The following KCNIP1 variants were observed in gnomAD, a reference collection of about 807,000 sequenced individuals.
KCNIP1 encodes the protein potassium voltage-gated channel interacting protein 1, also known as A-type potassium channel modulatory protein KCNIP1.
KCNIP1 carries 18 observed loss-of-function variants against 33.0 expected under a neutral mutation model. The ratio of observed to expected loss-of-function variants is 0.55; its 90% confidence interval spans 0.38 to 0.81. KCNIP1 has a LOEUF of 0.81. Among genes scored for constraint, KCNIP1 ranks in the 30% least tolerant of loss-of-function variants. The pLI is 0.00. For synonymous variants in KCNIP1, 93 were observed against 98.3 expected (o/e 0.95, Z 0.32); for missense variants, 238 against 271.6 (o/e 0.88, Z 0.87).
intron 1 of KCNIP1, among the ~76,000 whole-genome samples, chr5:170,424,988 C>T (rs1661517685): frequency 6.6e-6 from 1 of 152,152 alleles, no homozygotes; most frequent in African/African-American, 2.4e-5. Context: ...CTCCTCAGAC[C>T]CTTCCCATGA....
intron 2 of KCNIP1, 51 bp from the exon 3 acceptor site, chr5:170,720,269 TC>T: frequency 2.3e-6 from 3 of 1,325,730 alleles, no homozygotes; most frequent in Non-Finnish European, 3.3e-6. Context: ...CCCAGTCTTC[TC>T]CTAGTGCTGG....
chr5:170,435,035 C>T (rs138232946), intron 1 of KCNIP1, among the ~76,000 whole-genome samples: 18 of 152,348 alleles, frequency 1.2e-4, no homozygotes, highest in African/African-American at 3.6e-4. Context: ...TTGGACGCCA[C>T]TGATGTGAGC....
intron 1 of KCNIP1, among the ~76,000 whole-genome samples, chr5:170,537,717 C>T (rs952486802): frequency 6.6e-6 from 1 of 152,210 alleles, no homozygotes; most frequent in Non-Finnish European, 1.5e-5. Flanking sequence ...GGCTCTCTTC[C>T]ATAGCTTTCT....
intron 5 of KCNIP1, among the ~76,000 whole-genome samples, chr5:170,729,712 G>T (rs999559932): frequency 6.6e-6 from 1 of 151,936 alleles, no homozygotes; most frequent in East Asian, 1.9e-4. Flanking sequence ...AATTGCAAAG[G>T]TTTTGTAAAG....
chr5:170,460,251 C>G (rs1275488454), intron 1 of KCNIP1, among the ~76,000 whole-genome samples: 26 of 151,954 alleles, frequency 1.7e-4, no homozygotes, highest in Admixed American at 1.7e-3. Flanking sequence ...CAGAATTCTA[C>G]CAGACATTCA....
upstream of KCNIP1, among the ~76,000 whole-genome samples, chr5:170,501,189 C>T (rs1300043947): frequency 1.3e-5 from 2 of 152,098 alleles, no homozygotes; most frequent in Non-Finnish European, 2.9e-5. Flanking sequence ...AGCAGGGCAC[C>T]GACTCAGGGC....
intron 1 of KCNIP1, among the ~76,000 whole-genome samples, chr5:170,540,038 C>T (rs1038187089): frequency 4.0e-5 from 6 of 151,830 alleles, no homozygotes; most frequent in African/African-American, 9.7e-5. Context: ...CGGGTCTCAG[C>T]GGCTCCACTT....
intron 1 of KCNIP1, among the ~76,000 whole-genome samples, chr5:170,610,190 C>T (rs577693350): frequency 2.0e-5 from 3 of 152,254 alleles, no homozygotes; most frequent in East Asian, 3.9e-4. Flanking sequence ...TCTGGTTTAA[C>T]GAGCCCCCTA....
chr5:170,684,314 G>A (rs182574214), intron 1 of KCNIP1, among the ~76,000 whole-genome samples: 21 of 152,266 alleles, frequency 1.4e-4, no homozygotes, highest in Non-Finnish European at 2.8e-4. Context: ...CATAGTTCAG[G>A]AGGCTAGCAG....
chr5:170,451,422 G>A (rs529122268), intron 1 of KCNIP1, among the ~76,000 whole-genome samples: 8 of 151,842 alleles, frequency 5.3e-5, no homozygotes, highest in East Asian at 1.9e-4. Flanking sequence ...TAAGTTCTTC[G>A]TAACACCCTC....
At chr5:170,408,538 A>G (rs973082118) in intron 1 of KCNIP1, among the ~76,000 whole-genome samples, 2 of 152,208 alleles carry the variant, frequency 1.3e-5, no homozygotes, top group African/African-American at 2.4e-5. Flanking sequence ...GCAGAAGCAC[A>G]CTTGTCCCTA....
intron 1 of KCNIP1, among the ~76,000 whole-genome samples, chr5:170,467,974 ATTCT>A (rs1756645128): frequency 1.3e-5 from 2 of 151,552 alleles, no homozygotes; most frequent in Admixed American, 6.6e-5. Flanking sequence ...ATAGAACTAT[ATTCT>A]TTCTATTAAG....
intron 1 of KCNIP1, among the ~76,000 whole-genome samples, chr5:170,680,309 A>AC (rs1444008204): frequency 6.6e-6 from 1 of 152,108 alleles, no homozygotes; most frequent in Non-Finnish European, 1.5e-5. Flanking sequence ...AAGGGAAATT[A>AC]CCCCCACAGA....
intron 1 of KCNIP1, among the ~76,000 whole-genome samples, chr5:170,480,542 TCTCGGCTCACTGCAGC>T (rs1054276428): frequency 2.0e-5 from 3 of 151,264 alleles, no homozygotes; most frequent in African/African-American, 7.3e-5. Flanking sequence ...AGTGTTGTGA[TCTCGGCTCACTGCAGC>T]CTCTGCCTCC....
chr5:170,620,655 G>A (rs1026754915), intron 1 of KCNIP1, among the ~76,000 whole-genome samples: 1 of 152,122 alleles, frequency 6.6e-6, no homozygotes, highest in African/African-American at 2.4e-5. Flanking sequence ...AGCCGTATCA[G>A]GTTGAATTTT....
At chr5:170,617,418 A>T (rs1212330662) in intron 1 of KCNIP1, among the ~76,000 whole-genome samples, 1 of 152,174 alleles carries the variant, frequency 6.6e-6, no homozygotes, top group Non-Finnish European at 1.5e-5. Flanking sequence ...ATGCACCGTG[A>T]TCTTCTGGCT....
At position 170,668,333 on chromosome 5, in the gene KCNIP1, A is replaced by T. The variant is rs1364501227; in HGVS notation, c.62-50425A>T. Among the ~76,000 whole-genome samples, 8 of 152,262 alleles carry T rather than the reference A, an allele frequency of 5.3e-5. No individual in the cohort carries two copies. The East Asian group carries it at 1.6e-3, about 30-fold the overall frequency. The stretch of plus-strand genomic sequence containing the variant: ...CTTCAGCATCCTGACCTCTCCTAAA[A>T]TGTTCTCCACTGGTCCCTGCTAGGA... On this transcript the variant is annotated intron_variant, in intron 1 of 7. Transcript: ENST00000328939.
At chr5:170,404,812 G>A (rs1015769074) in intron 1 of KCNIP1, among the ~76,000 whole-genome samples, 2 of 152,194 alleles carry the variant, frequency 1.3e-5, no homozygotes, top group African/African-American at 4.8e-5. Context: ...CAATCTATCA[G>A]GACTGCGTGA....
chr5:170,585,793 A>T (rs905570190), intron 1 of KCNIP1, among the ~76,000 whole-genome samples: 1 of 152,192 alleles, frequency 6.6e-6, no homozygotes, highest in African/African-American at 2.4e-5. Context: ...GTTCACATGG[A>T]ACCCAGTCGC....
Sources: allele counts gnomAD v4.1 joint callset (sites outside exome capture counted in the v4.1 genomes callset), GRCh38; gene constraint gnomAD v4.1.1; transcripts MANE v1.5; gene names NCBI Gene and HGNC (gene_info 2026-07-23, HGNC 2026-07-21).